Variants in MAP6 observed in about 807,000 individuals in gnomAD.
MAP6 encodes microtubule associated protein 6, also known as microtubule-associated protein 6.
A neutral mutation model predicts 42.4 loss-of-function variants in MAP6; 26 were observed. That is an observed-to-expected ratio of 0.61 (90% confidence interval 0.45 to 0.85). The LOEUF is 0.85. MAP6 is among the 40% of genes least tolerant of loss of function. The pLI, the probability that MAP6 is intolerant of heterozygous loss-of-function variation, is 0.00. For synonymous variants in MAP6, 418 were observed against 443.8 expected (o/e 0.94, Z 0.73); for missense variants, 966 against 1,099.0 (o/e 0.88, Z 1.71).
At chr11:75,600,529 G>C (rs535382049) in intron 3 of MAP6, among the ~76,000 whole-genome samples, 1 of 152,280 alleles carries the variant, frequency 6.6e-6, no homozygotes, top group Middle Eastern at 3.4e-3. Context: ...TGTGAGAGTG[G>C]AGTTTGGGCT....
At chr11:75,660,551 T>A (rs1051956342) in intron 1 of MAP6, among the ~76,000 whole-genome samples, 1 of 152,214 alleles carries the variant, frequency 6.6e-6, no homozygotes, top group African/African-American at 2.4e-5. Flanking sequence ...CAATTGGTCA[T>A]TTAGATCTGT....
At chr11:75,636,797 A>C (rs61895133) in intron 1 of MAP6, among the ~76,000 whole-genome samples, 11,058 of 152,152 alleles carry the variant, frequency 0.073, 596 homozygotes, top group African/African-American at 0.14. Flanking sequence ...CTTATCCATT[A>C]CTTCCTGCAA....
chr11:75,605,742 T>TA (rs561200648), intron 3 of MAP6, 66 bp downstream of exon 3: 13,265 of 1,099,614 alleles, frequency 0.012, no homozygotes, highest in East Asian at 0.022. Flanking sequence ...TTTGTTGGTT[T>TA]AAAAAAAAAA....
At chr11:75,654,569 C>T (rs957931223) in intron 1 of MAP6, among the ~76,000 whole-genome samples, 4 of 152,168 alleles carry the variant, frequency 2.6e-5, no homozygotes, top group African/African-American at 9.7e-5. Context: ...AGGACAGTTG[C>T]TAGGTGTAAT....
At chr11:75,609,893 T>C (rs756378726) in intron 1 of MAP6, among the ~76,000 whole-genome samples, 1 of 152,204 alleles carries the variant, frequency 6.6e-6, no homozygotes, top group Non-Finnish European at 1.5e-5. Context: ...TGTGGCAGCA[T>C]TGAAAGGTGG....
intron 1 of MAP6, among the ~76,000 whole-genome samples, chr11:75,661,321 A>G (rs1943840151): frequency 6.6e-6 from 1 of 152,120 alleles, no homozygotes; most frequent in African/African-American, 2.4e-5. Context: ...ATAACTAAAA[A>G]GGAGGGGAAT....
intron 1 of MAP6, among the ~76,000 whole-genome samples, chr11:75,646,128 G>T (rs1943549313): frequency 6.6e-6 from 1 of 151,986 alleles, no homozygotes; most frequent in Non-Finnish European, 1.5e-5. Flanking sequence ...AACACAGAGA[G>T]AAATCTTAAA....
chr11:75,642,947 C>A, intron 1 of MAP6: 1 of 452,880 alleles, frequency 2.2e-6, no homozygotes, highest in Non-Finnish European at 4.6e-6. Context: ...AAAAAAAATT[C>A]ATGTCAGAAT....
intron 1 of MAP6, among the ~76,000 whole-genome samples, chr11:75,621,962 G>A (rs1943119107): frequency 6.6e-6 from 1 of 151,982 alleles, no homozygotes; most frequent in African/African-American, 2.4e-5. Context: ...AGTGGAGGTT[G>A]TAGTGATCTG....
At chr11:75,626,226 A>G (rs1342726565) in intron 1 of MAP6, among the ~76,000 whole-genome samples, 1 of 152,214 alleles carries the variant, frequency 6.6e-6, no homozygotes, top group Admixed American at 6.5e-5. Context: ...GCAGGCACTG[A>G]GAAAAGGCTT....
At chr11:75,651,553 C>T (rs948252801) in intron 1 of MAP6, among the ~76,000 whole-genome samples, 15 of 152,106 alleles carry the variant, frequency 9.9e-5, no homozygotes, top group East Asian at 5.8e-4. Flanking sequence ...GTTGTAGCCC[C>T]GAAGGGAACC....
chr11:75,668,193 G>A lies in MAP6; in HGVS notation c.177C>T (p.Pro59=). Residue 59 remains proline, a synonymous_variant, in exon 1 of 4, where the codon CCC becomes CCT. Transcript: ENST00000304771. ...PQQQAQPALA[P]PSARAVAIET... Reference sequence around the variant, plus strand: ...CTATGGCAACCGCGCGCGCCGAGGGGGGCGCGAGCGCCGGCTGCGCCTGCT... The same window carrying A: ...CTATGGCAACCGCGCGCGCCGAGGGAGGCGCGAGCGCCGGCTGCGCCTGCT... 8.0e-7 allele frequency: 1 copy of A among 1,251,034 alleles called. No individual in the cohort carries two copies. The highest frequency in any genetic ancestry group is 9.9e-7 in the Non-Finnish European group (1 of 1,005,552). 77.5% of individuals were successfully genotyped at this position (1,251,034 alleles called of 1,614,324 possible). A position where few individuals can be genotyped will look rare whatever the true frequency, so the allele number is the denominator to read the frequency against.
intron 1 of MAP6, among the ~76,000 whole-genome samples, chr11:75,644,337 A>ACGAATCTATCT (rs1943522394): frequency 6.6e-6 from 1 of 152,188 alleles, no homozygotes; most frequent in Non-Finnish European, 1.5e-5. Flanking sequence ...TCTATCTGAC[A>ACGAATCTATCT]GAGTTGTGAC....
At chr11:75,659,693 G>A (rs536048311) in intron 1 of MAP6, among the ~76,000 whole-genome samples, 1 of 152,210 alleles carries the variant, frequency 6.6e-6, no homozygotes, top group Non-Finnish European at 1.5e-5. Flanking sequence ...AGCAGAGAAT[G>A]AGAAGCTCAC....
chr11:75,588,667 C>T (rs1375347374), intron 3 of MAP6, among the ~76,000 whole-genome samples: 1 of 152,158 alleles, frequency 6.6e-6, no homozygotes, highest in Non-Finnish European at 1.5e-5. Flanking sequence ...TCCCTGACTC[C>T]CTGACCCCCT....
chr11:75,587,653 A>G lies in MAP6; in HGVS notation c.1848T>C (p.Gly616=), dbSNP rs1942382942. The G allele has an allele frequency of 6.2e-7, 1 of 1,613,950 alleles. No homozygotes were observed. The highest frequency in any genetic ancestry group is 8.5e-7 in the Non-Finnish European group (1 of 1,179,986). ...CAGGTGCTGGGACTATGGGACCTTC[A>G]CCCTTGACAGGTGCTGGGACTATGG... ...QGPIVPAPVK[G]EGPIVPAPVK... The change falls in exon 4 of 4, where the codon GGT becomes GGC. Residue 616 remains glycine, a synonymous_variant. Coordinates refer to ENST00000304771, the MANE Select transcript of MAP6 (RefSeq NM_033063.2).
intron 1 of MAP6, among the ~76,000 whole-genome samples, chr11:75,637,951 A>G (rs1943398914): frequency 6.6e-6 from 1 of 152,172 alleles, no homozygotes; most frequent in South Asian, 2.1e-4. Flanking sequence ...ACAAAATGAC[A>G]TTCACTGTAA....
At chr11:75,657,716 TG>T (rs1216255486) in intron 1 of MAP6, among the ~76,000 whole-genome samples, 1 of 152,222 alleles carries the variant, frequency 6.6e-6, no homozygotes, top group Non-Finnish European at 1.5e-5. Flanking sequence ...TCTTTGCCTT[TG>T]CCAGCTTCTA....
chr11:75,642,956 A>G, intron 1 of MAP6: 1 of 436,122 alleles, frequency 2.3e-6, no homozygotes, highest in Admixed American at 2.1e-5. Flanking sequence ...TCATGTCAGA[A>G]TACACTTGTT....
Sources: allele counts gnomAD v4.1 joint callset (sites outside exome capture counted in the v4.1 genomes callset), GRCh38; gene constraint gnomAD v4.1.1; transcripts MANE v1.5; gene names NCBI Gene and HGNC (gene_info 2026-07-23, HGNC 2026-07-21).